HPSE2: variants seen among roughly 807,000 people sequenced by gnomAD.
The protein encoded by HPSE2 is heparanase 2 (inactive), also known as inactive heparanase-2.
Under a neutral mutation model 60.5 loss-of-function variants are expected in HPSE2, and 38 were observed. The ratio of observed to expected loss-of-function variants is 0.63; its 90% CI spans 0.48 to 0.82. The LOEUF (loss-of-function observed/expected upper bound fraction) is 0.82, where lower values mean the gene tolerates loss of function less well. Among genes scored for constraint, HPSE2 ranks in the 40% least tolerant of loss-of-function variants. HPSE2 has a pLI of 0.00. For missense variants in HPSE2, 713 were observed against 740.4 expected, an observed-to-expected ratio of 0.96 and a Z score of 0.43; for synonymous variants, 295 against 293.2, an observed-to-expected ratio of 1.01 and a Z score of -0.06.
chr10:98,865,789 A>G (rs1448609710), intron 3 of HPSE2, among the ~76,000 whole-genome samples: 1 of 152,074 alleles, frequency 6.6e-6, no homozygotes, highest in Non-Finnish European at 1.5e-5. Context: ...AAAAAATCAT[A>G]ATTCATAGGG....
intron 2 of HPSE2, among the ~76,000 whole-genome samples, chr10:99,213,912 A>T (rs1162089678): frequency 2.0e-5 from 3 of 152,230 alleles, no homozygotes; most frequent in African/African-American, 7.2e-5. Flanking sequence ...TCAAGGAAGT[A>T]AAAAGAATCC....
chr10:98,609,499 AT>A (rs1945689202), intron 9 of HPSE2, among the ~76,000 whole-genome samples: 1 of 152,256 alleles, frequency 6.6e-6, no homozygotes, highest in Non-Finnish European at 1.5e-5. Context: ...CATACAAAAA[AT>A]TCACGTAAGA....
In HPSE2 at chr10:98,482,735, T is replaced by C. The variant is rs1397936177; in HGVS notation, c.1514A>G (p.His505Arg). The change falls in exon 11 of 12, where the codon CAT (histidine) becomes CGT (arginine). Residue 505 changes from histidine to arginine, a missense_variant. Physicochemically the swap from His to Arg is conservative, Grantham distance 29 (BLOSUM62 0). Coordinates refer to ENST00000370552, the MANE Select transcript of HPSE2 (RefSeq NM_021828.5). ...CAGCTTGATTTTCTTTCTTGATCGA[T>C]GCAAGTTGATGATAAAAAGTGTAAT... ...GSITLFIINLHRSRKKIKLAG... is the reference protein window; with the variant it reads ...GSITLFIINLRRSRKKIKLAG... 4 of 1,614,190 alleles carry C rather than the reference T, an allele frequency of 2.5e-6. No homozygotes were observed. The highest frequency in any genetic ancestry group is 1.1e-5 in the South Asian group (1 of 91,076).
chr10:98,482,462 G>A (rs1270948306), intron 11 of HPSE2, among the ~76,000 whole-genome samples, 174 bp downstream of exon 11: 1 of 152,176 alleles, frequency 6.6e-6, no homozygotes, highest in Non-Finnish European at 1.5e-5. Context: ...ATAGGGAGGG[G>A]CTTGAACATG....
At chr10:98,795,750 T>A (rs1197813246) in intron 3 of HPSE2, among the ~76,000 whole-genome samples, 3 of 152,198 alleles carry the variant, frequency 2.0e-5, no homozygotes, top group Non-Finnish European at 4.4e-5. Flanking sequence ...GTGCAGCTAG[T>A]AGCAATGAAA....
chr10:98,825,152 A>G (rs1402962913), intron 3 of HPSE2, among the ~76,000 whole-genome samples: 1 of 152,238 alleles, frequency 6.6e-6, no homozygotes, highest in Non-Finnish European at 1.5e-5. Context: ...TTCAGAGTTT[A>G]TCAATCCAAG....
the HPSE2 span, among the ~76,000 whole-genome samples, chr10:99,308,755 A>C: frequency 8.4e-6 from 1 of 119,610 alleles, no homozygotes; most frequent in South Asian, 3.3e-4. Context: ...ATTCTTGATC[A>C]CTGAAAATGT....
chr10:99,161,145 T>C (rs544047557), intron 2 of HPSE2, among the ~76,000 whole-genome samples: 1 of 150,680 alleles, frequency 6.6e-6, no homozygotes, highest in East Asian at 2.0e-4. Flanking sequence ...AGCTTGAGCC[T>C]AGGAGTTTGA....
In HPSE2 at chr10:98,459,431, T is replaced by C. The variant is rs896580574; in HGVS notation, c.*143A>G. The C allele has an allele frequency of 4.5e-5, 42 of 940,302 alleles. No individual in the cohort carries two copies. The highest frequency in any genetic ancestry group is 3.5e-6 in the Non-Finnish European group (2 of 575,972). The allele number at this position is 940,302 out of a possible 1,614,324, so 58.2% of individuals were successfully genotyped here. A position where few individuals can be genotyped will look rare whatever the true frequency, so the allele number is the denominator to read the frequency against. Reference sequence around the variant, plus strand: ...ATCACGCTATGACATTTAGTCTCTTTGGAGAGCAAGTCTGTGTTGATTCCA... The same window carrying C: ...ATCACGCTATGACATTTAGTCTCTTCGGAGAGCAAGTCTGTGTTGATTCCA... On this transcript the variant is annotated 3_prime_UTR_variant, in exon 12 of 12. Transcript: ENST00000370552.
intron 3 of HPSE2, among the ~76,000 whole-genome samples, chr10:98,960,701 C>CTTTTTTTTTTTTTTTTTTTTTTTTT: frequency 8.3e-4 from 48 of 57,522 alleles, no homozygotes; most frequent in Non-Finnish European, 9.4e-4. Flanking sequence ...ATGTACATTT[C>CTTTTTTTTTTTTTTTTTTTTTTTTT]TTTTTTTTTT....
At chr10:99,008,060 A>G (rs1956931744) in intron 3 of HPSE2, among the ~76,000 whole-genome samples, 1 of 152,208 alleles carries the variant, frequency 6.6e-6, no homozygotes, top group Non-Finnish European at 1.5e-5. Context: ...CTTTCTTCCC[A>G]GATAAGATTT....
At chr10:99,221,090 C>T (rs1849297939) in intron 2 of HPSE2, among the ~76,000 whole-genome samples, 1 of 151,928 alleles carries the variant, frequency 6.6e-6, no homozygotes, top group African/African-American at 2.4e-5. Flanking sequence ...GGTGATCCGC[C>T]CGCCTCAGCC....
chr10:99,132,477 A>C (rs7909470), intron 3 of HPSE2, among the ~76,000 whole-genome samples: 9 of 151,898 alleles, frequency 5.9e-5, no homozygotes, highest in Non-Finnish European at 1.2e-4. Flanking sequence ...GAGAAGCTCC[A>C]GTCTGCATCT....
chr10:99,140,323 G>A (rs1186242531), intron 3 of HPSE2, among the ~76,000 whole-genome samples: 1 of 152,158 alleles, frequency 6.6e-6, no homozygotes, highest in Non-Finnish European at 1.5e-5. Context: ...GCCAACACAT[G>A]ACAAGAATCC....
intron 2 of HPSE2, among the ~76,000 whole-genome samples, chr10:99,221,493 C>T (rs941581389): frequency 5.3e-5 from 8 of 152,050 alleles, no homozygotes; most frequent in African/African-American, 1.2e-4. Context: ...AAGCAGAATA[C>T]GAAAATGGCC....
At chr10:98,865,636 G>A (rs1952569135) in intron 3 of HPSE2, among the ~76,000 whole-genome samples, 1 of 152,152 alleles carries the variant, frequency 6.6e-6, no homozygotes, top group Non-Finnish European at 1.5e-5. Context: ...GACATCTCCA[G>A]AAAGTTCTCA....
the HPSE2 span, among the ~76,000 whole-genome samples, chr10:99,283,180 C>T: frequency 8.3e-5 from 11 of 132,936 alleles, no homozygotes; most frequent in South Asian, 4.8e-4. Flanking sequence ...AGTAAGACTC[C>T]GTCTCAGGTT....
At chr10:99,305,123 C>T in the HPSE2 span, among the ~76,000 whole-genome samples, 1 of 152,208 alleles carries the variant, frequency 6.6e-6, no homozygotes, top group Non-Finnish European at 1.5e-5. Flanking sequence ...AAGGCTGCTT[C>T]TGAAAAATAG....
intron 9 of HPSE2, among the ~76,000 whole-genome samples, chr10:98,567,085 C>G (rs1224756727): frequency 6.6e-6 from 1 of 152,112 alleles, no homozygotes; most frequent in Non-Finnish European, 1.5e-5. Flanking sequence ...AATGCAGATT[C>G]CTAAGTCATA....
Sources: gnomAD v4.1 joint callset for allele counts (sites outside exome capture counted in the v4.1 genomes callset) on GRCh38, gnomAD v4.1.1 for gene constraint, MANE v1.5 for transcripts, NCBI Gene and HGNC (gene_info 2026-07-23, HGNC 2026-07-21) for gene names.